METAP1D: variants seen among roughly 807,000 people sequenced by gnomAD.
The protein encoded by METAP1D is methionine aminopeptidase 1D, mitochondrial.
In METAP1D, 31 loss-of-function variants were observed where a neutral mutation model predicts 40.5. The ratio of observed to expected loss-of-function variants is 0.77; its 90% confidence interval spans 0.58 to 1.03. The LOEUF (loss-of-function observed/expected upper bound fraction) is 1.03, where lower values mean the gene tolerates loss of function less well. Ranked by LOEUF, METAP1D falls within the 50% of genes least tolerant of loss-of-function variation. The probability of loss-of-function intolerance (pLI) is 0.00; values close to 1 mark genes in which losing one functional copy is unlikely to be tolerated. For synonymous variants in METAP1D, 151 were observed against 146.4 expected, an observed-to-expected ratio of 1.03 and a Z score of -0.22; for missense variants, 411 against 420.7, an observed-to-expected ratio of 0.98 and a Z score of 0.20.
At chr2:172,033,329 G>T (rs912165362) in intron 1 of METAP1D, among the ~76,000 whole-genome samples, 1 of 151,876 alleles carries the variant, frequency 6.6e-6, no homozygotes, top group South Asian at 2.1e-4. Flanking sequence ...ACCTTATTTG[G>T]CTCCTATTTT....
rs1044505772 is a variant in METAP1D at position 172,045,113 on chromosome 2, G to C, written c.41-16385G>C. On this transcript the variant is annotated intron_variant, in intron 1 of 9. Coordinates refer to ENST00000315796, the MANE Select transcript of METAP1D (RefSeq NM_199227.3). The stretch of plus-strand genomic sequence containing the variant: ...TATAGGAAATAGGCATCATTAGGAA[G>C]ACAAGTTGCAGTGTTTGTGAACAGT... 1.0e-4 allele frequency among the ~76,000 whole-genome samples: 14 copies of C among 134,504 alleles called. 2 individuals are homozygous for C. The highest frequency in any genetic ancestry group is 3.0e-4 in the African/African-American group (12 of 39,716). 88.2% of individuals were successfully genotyped at this position (134,504 alleles called of 152,430 possible).
At chr2:172,060,035 A>G (rs934901475) in intron 1 of METAP1D, among the ~76,000 whole-genome samples, 2 of 152,152 alleles carry the variant, frequency 1.3e-5, no homozygotes, top group Non-Finnish European at 2.9e-5. Context: ...TGGGCGACTG[A>G]GTGAGACTCC....
Position 172,080,776 on chromosome 2 carries a change from G to A in METAP1D, c.*370G>A. ...AACCTCTTAAATCCATTGTATCAGA[G>A]GTCCTTACCTCTCTGACAGTTACAG... is the stretch of plus-strand genomic sequence containing the variant. On this transcript the variant is annotated 3_prime_UTR_variant, in exon 10 of 10. Coordinates refer to ENST00000315796, the MANE Select transcript of METAP1D (RefSeq NM_199227.3). 2.9e-6 allele frequency: 1 copy of A among 339,696 alleles called. No individual in the cohort carries two copies. The highest frequency in any genetic ancestry group is 5.5e-6 in the Non-Finnish European group (1 of 182,146). 21.0% of individuals were successfully genotyped at this position (339,696 alleles called of 1,614,324 possible). A position where few individuals can be genotyped will look rare whatever the true frequency, so the allele number is the denominator to read the frequency against.
At chr2:172,056,407 T>C (rs1253860259) in intron 1 of METAP1D, among the ~76,000 whole-genome samples, 2 of 152,212 alleles carry the variant, frequency 1.3e-5, no homozygotes, top group East Asian at 3.8e-4. Flanking sequence ...GGGTAGAACT[T>C]TCTGTCCAAT....
chr2:172,036,983 C>G (rs7586556), intron 1 of METAP1D, among the ~76,000 whole-genome samples: 73,516 of 152,006 alleles, frequency 0.48, 18,931 homozygotes, highest in East Asian at 0.84. Context: ...TTTATGGCTG[C>G]GGGCGGTGGC....
Position 172,027,997 on chromosome 2 carries a change from C to T in METAP1D, c.40+27988C>T, listed in dbSNP as rs151163504. Among the ~76,000 whole-genome samples the T allele has an allele frequency of 3.1e-4, 47 of 152,346 alleles. 2 individuals carry two copies. The highest frequency in any genetic ancestry group is 1.1e-3 in the African/African-American group (47 of 41,584). ...TTGATTTGGTGAGGGATTAAATGTGCTAGGTCCCCTGGTACTAGTGGGGGC... is the reference window on the plus strand; with the variant it reads ...TTGATTTGGTGAGGGATTAAATGTGTTAGGTCCCCTGGTACTAGTGGGGGC... On this transcript the variant is annotated intron_variant, in intron 1 of 9. Transcript: ENST00000315796.
At chr2:172,060,973 A>G (rs570082821) in intron 1 of METAP1D, among the ~76,000 whole-genome samples, 12 of 152,186 alleles carry the variant, frequency 7.9e-5, no homozygotes, top group Non-Finnish European at 1.8e-4. Context: ...CATTTTTGCT[A>G]TTTAGTCTTT....
At chr2:172,036,246 G>A (rs1389382881) in intron 1 of METAP1D, among the ~76,000 whole-genome samples, 4 of 150,494 alleles carry the variant, frequency 2.7e-5, no homozygotes, top group African/African-American at 7.3e-5. Flanking sequence ...GAACCCGGGA[G>A]GCGGAGCTTG....
chr2:172,044,113 T>C lies in METAP1D; in HGVS notation c.41-17385T>C, dbSNP rs75698734. On this transcript the variant is annotated intron_variant, in intron 1 of 9. Transcript: ENST00000315796. ...TCCCCCCAAAAAATTATAGTCATAT[T>C]GTCCTTAGATTAATCCATAAATTCA... Among the ~76,000 whole-genome samples the C allele has an allele frequency of 2.7e-4, 36 of 134,460 alleles. 4 individuals are homozygous for C. In the East Asian group the frequency reaches 7.2e-3, roughly 27 times the overall value. 88.2% of individuals were successfully genotyped at this position (134,460 alleles called of 152,430 possible).
chr2:172,063,418 G>A (rs982778670), intron 2 of METAP1D, among the ~76,000 whole-genome samples: 4 of 152,206 alleles, frequency 2.6e-5, no homozygotes, highest in African/African-American at 9.6e-5. Context: ...TTGGGAGGAG[G>A]AAAAAGAGAA....
At chr2:172,013,019 G>C (rs1395668602) in intron 1 of METAP1D, among the ~76,000 whole-genome samples, 2 of 152,186 alleles carry the variant, frequency 1.3e-5, no homozygotes, top group Non-Finnish European at 2.9e-5. Context: ...GGAGAATTTA[G>C]GGGAAGAAAA....
intron 1 of METAP1D, among the ~76,000 whole-genome samples, chr2:172,025,468 A>G (rs990455204): frequency 5.3e-5 from 8 of 151,842 alleles, no homozygotes; most frequent in African/African-American, 1.9e-4. Flanking sequence ...AGCTGGGACT[A>G]CAGGCAAGTG....
intron 1 of METAP1D, among the ~76,000 whole-genome samples, chr2:172,059,584 G>A (rs935495601): frequency 7.2e-5 from 11 of 152,122 alleles, no homozygotes; most frequent in Non-Finnish European, 1.6e-4. Context: ...ACCAAGATTT[G>A]AATTTCATGT....
intron 1 of METAP1D, among the ~76,000 whole-genome samples, chr2:172,015,497 A>G (rs1688834588): frequency 2.6e-5 from 4 of 152,262 alleles, no homozygotes; most frequent in Admixed American, 2.6e-4. Flanking sequence ...TAATATTAGC[A>G]AAGAACTGGA....
intron 1 of METAP1D, among the ~76,000 whole-genome samples, chr2:172,023,075 C>A (rs1689042593): frequency 6.6e-6 from 1 of 152,168 alleles, no homozygotes; most frequent in South Asian, 2.1e-4. Flanking sequence ...GTAATTCCAG[C>A]TACTCAGGAG....
At chr2:172,066,238 C>T in intron 4 of METAP1D, 26 bp from the exon 5 acceptor site, 1 of 1,592,274 alleles carries the variant, frequency 6.3e-7, no homozygotes. Flanking sequence ...TGTCTATCAC[C>T]ATTTTTTTTT....
intron 1 of METAP1D, among the ~76,000 whole-genome samples, chr2:172,010,864 C>G (rs1375064580): frequency 2.0e-5 from 3 of 151,030 alleles, no homozygotes; most frequent in African/African-American, 7.3e-5. Flanking sequence ...AAGCGATTGT[C>G]CTGCCTCAGC....
chr2:172,000,437 T>C (rs1475383116), intron 1 of METAP1D, among the ~76,000 whole-genome samples: 1 of 149,716 alleles, frequency 6.7e-6, no homozygotes, highest in Non-Finnish European at 1.5e-5. Context: ...ACTTGCAAAA[T>C]GTGATGGTTT....
chr2:172,007,271 G>C (rs1187136521), intron 1 of METAP1D, among the ~76,000 whole-genome samples: 1 of 151,346 alleles, frequency 6.6e-6, no homozygotes, highest in Non-Finnish European at 1.5e-5. Context: ...CTGGGCTCAA[G>C]CAATCCTCCT....
Sources: gnomAD v4.1 joint callset for allele counts (sites outside exome capture counted in the v4.1 genomes callset) on GRCh38, gnomAD v4.1.1 for gene constraint, MANE v1.5 for transcripts, NCBI Gene and HGNC (gene_info 2026-07-23, HGNC 2026-07-21) for gene names.